The following DOCK3 variants were observed in gnomAD, a reference collection of about 807,000 sequenced individuals.
DOCK3 encodes the protein dedicator of cytokinesis protein 3.
A neutral mutation model predicts 265.6 loss-of-function variants in DOCK3; 60 were observed. The observed-to-expected ratio is 0.23, with a 90% CI of 0.18 to 0.28. DOCK3 has a LOEUF of 0.28. Ranked by LOEUF, DOCK3 falls within the 10% of genes least tolerant of loss-of-function variation. DOCK3 has a pLI of 1.00. For synonymous variants in DOCK3, 881 were observed against 938.0 expected (o/e 0.94, Z 1.11); for missense variants, 1,981 against 2,594.3 (o/e 0.76, Z 5.14).
At chr3:51,123,111 G>A (rs529314318) in intron 9 of DOCK3, among the ~76,000 whole-genome samples, 1 of 152,116 alleles carries the variant, frequency 6.6e-6, no homozygotes, top group African/African-American at 2.4e-5. Flanking sequence ...ACCAGGGTGT[G>A]GTCAGCCATA....
chr3:51,312,225 C>A (rs2083107029), intron 29 of DOCK3, 146 bp downstream of exon 29: 4 of 802,878 alleles, frequency 5.0e-6, no homozygotes, highest in Non-Finnish European at 5.9e-6. Context: ...ACCTGGGATA[C>A]CCCTGTTGGA....
chr3:50,981,889 G>A (rs562657908), intron 5 of DOCK3, among the ~76,000 whole-genome samples: 7 of 151,584 alleles, frequency 4.6e-5, no homozygotes, highest in Admixed American at 1.3e-4. Context: ...TCTCTCTGTC[G>A]CCCAGGCTGG....
intron 2 of DOCK3, among the ~76,000 whole-genome samples, chr3:50,834,077 C>G (rs2045360015): frequency 6.6e-6 from 1 of 151,740 alleles, no homozygotes; most frequent in South Asian, 2.1e-4. Flanking sequence ...GCAGTTAACT[C>G]CTCTTCTGCT....
chr3:50,780,284 C>G (rs1192033774), intron 2 of DOCK3, among the ~76,000 whole-genome samples: 1 of 152,100 alleles, frequency 6.6e-6, no homozygotes, highest in Non-Finnish European at 1.5e-5. Flanking sequence ...TCACTGAGAT[C>G]TAAAAGTGAG....
intron 4 of DOCK3, among the ~76,000 whole-genome samples, chr3:50,900,409 A>G (rs2049125013): frequency 6.6e-6 from 1 of 152,136 alleles, no homozygotes; most frequent in African/African-American, 2.4e-5. Flanking sequence ...GCTTCGTTGC[A>G]TTGGGTTAGA....
At chr3:51,228,599 G>C in intron 17 of DOCK3, 62 bp from the exon 18 acceptor site, 1 of 1,540,788 alleles carries the variant, frequency 6.5e-7, no homozygotes, top group Non-Finnish European at 8.7e-7. Context: ...GAAATTCCTA[G>C]GACCTGGTTT....
chr3:50,853,198 A>G (rs2046421845), intron 3 of DOCK3, among the ~76,000 whole-genome samples: 1 of 151,968 alleles, frequency 6.6e-6, no homozygotes, highest in Non-Finnish European at 1.5e-5. Context: ...CTTCCCTTCC[A>G]GCTTCTGGTA....
chr3:50,927,364 A>T (rs1008670585), intron 4 of DOCK3, among the ~76,000 whole-genome samples: 2 of 152,190 alleles, frequency 1.3e-5, no homozygotes, highest in Admixed American at 6.5e-5. Flanking sequence ...GCACAACAGG[A>T]TGTCTATAGC....
chr3:50,675,359 G>A lies in DOCK3; in HGVS notation c.37+59G>A, dbSNP rs1298925842. On this transcript the variant is annotated intron_variant, in intron 1 of 52. Coordinates refer to ENST00000266037, the MANE Select transcript of DOCK3 (RefSeq NM_004947.5). This position sits in a 1 kb window ranked among gnomAD's most constrained non-coding sequence, Gnocchi z 6.1. ...TTCTGGGGGACGCGCCCAGCTCCCG[G>A]CCCCGCCTGGATTCGCATCCTCGTG... The A allele has an allele frequency of 8.5e-7, 1 of 1,177,608 alleles. No individual in the cohort carries two copies. The allele number at this position is 1,177,608 out of a possible 1,614,324, so 72.9% of individuals were successfully genotyped here.
At chr3:50,851,911 G>A (rs181179680) in intron 3 of DOCK3, among the ~76,000 whole-genome samples, 2 of 152,214 alleles carry the variant, frequency 1.3e-5, no homozygotes, top group South Asian at 2.1e-4. Context: ...GATTAAAAAC[G>A]ACATTCTGCT....
In DOCK3 at chr3:51,089,250, C is replaced by A; in HGVS notation, c.557C>A (p.Ser186Tyr). ...CTTTCCTTCTTTCCATAGCATTTAT[C>A]TAGCCGGCAGAGTGTACAGCAAAGC... ...SVSDLYKMHL[S>Y]SRQSVQQSTS... Residue 186 changes from serine to tyrosine, a missense_variant, in exon 8 of 53, where the codon TCT becomes TAT. By Grantham distance (144) the Ser-to-Tyr change is moderately radical. Around this residue, in one of 4 missense-constraint regions of DOCK3, gnomAD observed 456 missense variants for 539.0 expected, o/e 0.85. Coordinates refer to ENST00000266037, the MANE Select transcript of DOCK3 (RefSeq NM_004947.5). 1 of 1,608,668 alleles carries A rather than the reference C, an allele frequency of 6.2e-7. No homozygotes were observed. Among genetic ancestry groups the A allele is most frequent in the Admixed American group, 1.7e-5 (1 of 59,276 alleles).
intron 2 of DOCK3, among the ~76,000 whole-genome samples, chr3:50,818,552 C>T (rs932290402): frequency 6.6e-6 from 1 of 152,142 alleles, no homozygotes. Flanking sequence ...AAGTGCATGT[C>T]AGCTTGGGGT....
At chr3:50,945,602 T>C (rs563059666) in intron 5 of DOCK3, among the ~76,000 whole-genome samples, 2 of 152,258 alleles carry the variant, frequency 1.3e-5, no homozygotes, top group South Asian at 4.1e-4. Flanking sequence ...CCTGGAAGAT[T>C]AAATTTGCAA....
At position 51,355,879 on chromosome 3, in the gene DOCK3, A is replaced by G. The variant is rs1246198927; in HGVS notation, c.4250-210A>G. Reference sequence around the variant, plus strand: ...GGCTGAGTGCTCATGAAACTCAACTACTAGAGCAGGGAGAGGGAGAGAGCA... The same window carrying G: ...GGCTGAGTGCTCATGAAACTCAACTGCTAGAGCAGGGAGAGGGAGAGAGCA... On this transcript the variant is annotated intron_variant, in intron 41 of 52. Transcript: ENST00000266037. Among the ~76,000 whole-genome samples the G allele has an allele frequency of 2.0e-5, 3 of 152,224 alleles. No individual in the cohort carries two copies. In the East Asian group the frequency reaches 5.8e-4, roughly 29 times the overall value.
chr3:51,349,029 G>A (rs2085787992), intron 39 of DOCK3, 91 bp downstream of exon 39: 6 of 1,257,390 alleles, frequency 4.8e-6, no homozygotes, highest in Non-Finnish European at 6.7e-6. Context: ...GTTTAGTGCT[G>A]TGGACAATAC....
chr3:50,754,598 C>T (rs562905412), intron 1 of DOCK3, among the ~76,000 whole-genome samples: 3 of 140,414 alleles, frequency 2.1e-5, no homozygotes, highest in South Asian at 2.2e-4. Flanking sequence ...TTGCTCTTGT[C>T]GCCCAGACTG....
intron 3 of DOCK3, among the ~76,000 whole-genome samples, chr3:50,848,236 T>TTTG (rs976151303): frequency 2.0e-5 from 3 of 152,170 alleles, no homozygotes; most frequent in African/African-American, 7.2e-5. Context: ...GATGGGTCTT[T>TTTG]TTGTTGTTGT....
chr3:51,054,091 A>G (rs970047781), intron 5 of DOCK3, among the ~76,000 whole-genome samples: 4 of 137,812 alleles, frequency 2.9e-5, no homozygotes, highest in African/African-American at 1.1e-4. Flanking sequence ...AAACTTCCTC[A>G]TTTGGTGAAG....
At chr3:51,064,708 A>G in intron 6 of DOCK3, 112 bp downstream of exon 6, 2 of 1,325,530 alleles carry the variant, frequency 1.5e-6, no homozygotes, top group African/African-American at 2.9e-5. Context: ...GCAATGTTAT[A>G]TTCTTCACTA....
Sources: allele counts gnomAD v4.1 joint callset (sites outside exome capture counted in the v4.1 genomes callset), GRCh38; gene constraint gnomAD v4.1.1; regional missense constraint gnomAD v4.1.1; non-coding constraint Gnocchi (gnomAD v3.1); transcripts MANE v1.5; gene names NCBI Gene and HGNC (gene_info 2026-07-23, HGNC 2026-07-21).